Variants in RBFOX3 observed in about 807,000 individuals in gnomAD.
The protein encoded by RBFOX3 is RNA binding fox-1 homolog 3, also known as RNA binding protein fox-1 homolog 3.
RBFOX3 carries 17 observed loss-of-function variants against 48.7 expected under a neutral mutation model. The ratio of observed to expected loss-of-function variants is 0.35; its 90% CI spans 0.24 to 0.52. RBFOX3 has a LOEUF of 0.52. RBFOX3 is among the 20% of genes least tolerant of loss of function. The pLI, the probability that RBFOX3 is intolerant of heterozygous loss-of-function variation, is 0.94. For missense variants in RBFOX3, 382 were observed against 497.5 expected (o/e 0.77, Z 2.21); for synonymous variants, 212 against 209.5 (o/e 1.01, Z -0.10).
At chr17:79,478,083 C>T (rs1162814932) in intron 2 of RBFOX3, among the ~76,000 whole-genome samples, 1 of 152,220 alleles carries the variant, frequency 6.6e-6, no homozygotes, top group Non-Finnish European at 1.5e-5. Flanking sequence ...CGCTCATGTG[C>T]TCCAGGAAGC....
At chr17:79,450,985 G>C (rs927706137) in intron 2 of RBFOX3, among the ~76,000 whole-genome samples, 1 of 152,188 alleles carries the variant, frequency 6.6e-6, no homozygotes, top group South Asian at 2.1e-4. Context: ...CAATTAGAAG[G>C]GGGTGCAGCA....
At chr17:79,213,217 A>G (rs1361916888) in intron 4 of RBFOX3, among the ~76,000 whole-genome samples, 3 of 152,126 alleles carry the variant, frequency 2.0e-5, no homozygotes, top group Non-Finnish European at 4.4e-5. Flanking sequence ...TTCTCTTGTG[A>G]GCAGATGAGG....
At chr17:79,294,376 T>C (rs1006548913) in intron 3 of RBFOX3, among the ~76,000 whole-genome samples, 2 of 152,108 alleles carry the variant, frequency 1.3e-5, no homozygotes, top group Non-Finnish European at 2.9e-5. Flanking sequence ...AGTGGTGTGA[T>C]CTCTGCTCAC....
chr17:79,367,712 G>T (rs1356003523), intron 2 of RBFOX3, among the ~76,000 whole-genome samples: 1 of 152,152 alleles, frequency 6.6e-6, no homozygotes, highest in Non-Finnish European at 1.5e-5. Flanking sequence ...GACAGGCAAA[G>T]GGAGCCACGG....
chr17:79,611,130 T>TCTCTCTCTCTCTCTATCTCTCTC (rs1491548376), upstream of RBFOX3, among the ~76,000 whole-genome samples: 1 of 37,846 alleles, frequency 2.6e-5, no homozygotes, highest in Non-Finnish European at 4.3e-5. Context: ...TCCGCCCTCC[T>TCTCTCTCTCTCTCTATCTCTCTC]TCTCTCTCTC....
At chr17:79,209,182 G>A (rs2058009251) in intron 4 of RBFOX3, among the ~76,000 whole-genome samples, 1 of 152,226 alleles carries the variant, frequency 6.6e-6, no homozygotes, top group Non-Finnish European at 1.5e-5. Context: ...CATGTGAGTT[G>A]TGGTTGGTGA....
intron 2 of RBFOX3, among the ~76,000 whole-genome samples, chr17:79,432,259 G>A (rs2068597911): frequency 6.6e-6 from 1 of 152,244 alleles, no homozygotes; most frequent in Non-Finnish European, 1.5e-5. Flanking sequence ...TATGAACCGA[G>A]TGTGCACATG....
chr17:79,278,748 A>ATGC (rs1291520904), intron 3 of RBFOX3, among the ~76,000 whole-genome samples: 3 of 152,236 alleles, frequency 2.0e-5, no homozygotes, highest in Non-Finnish European at 2.9e-5. Context: ...ATGCATCCAC[A>ATGC]TGCATAGGGC....
chr17:79,174,259 A>G (rs58520028), intron 4 of RBFOX3, among the ~76,000 whole-genome samples: 22,879 of 152,006 alleles, frequency 0.15, 2,044 homozygotes, highest in African/African-American at 0.26. Flanking sequence ...AGGCACACAC[A>G]CAATGCACAC....
intron 2 of RBFOX3, among the ~76,000 whole-genome samples, chr17:79,440,446 G>T (rs1404869438): frequency 6.6e-6 from 1 of 152,130 alleles, no homozygotes; most frequent in Non-Finnish European, 1.5e-5. Flanking sequence ...GCCAGCTGGG[G>T]CTCCATTGGC....
At chr17:79,110,138 A>G (rs2030449506) in intron 5 of RBFOX3, among the ~76,000 whole-genome samples, 1 of 152,018 alleles carries the variant, frequency 6.6e-6, no homozygotes, top group African/African-American at 2.4e-5. Flanking sequence ...CTCAAAAAAA[A>G]AAAAAAAAGC....
At chr17:79,101,049 A>C (rs1272698478) in intron 9 of RBFOX3, among the ~76,000 whole-genome samples, 1 of 152,050 alleles carries the variant, frequency 6.6e-6, no homozygotes, top group Non-Finnish European at 1.5e-5. Flanking sequence ...ATGGTGCTTA[A>C]AGGTGTCATT....
chr17:79,150,684 C>A (rs1389202168), intron 4 of RBFOX3, among the ~76,000 whole-genome samples: 1 of 152,156 alleles, frequency 6.6e-6, no homozygotes, highest in African/African-American at 2.4e-5. Context: ...GATTCACCTC[C>A]CATCTCCTCC....
At chr17:79,168,993 A>G (rs1599775687) in intron 4 of RBFOX3, among the ~76,000 whole-genome samples, 1 of 152,114 alleles carries the variant, frequency 6.6e-6, no homozygotes, top group African/African-American at 2.4e-5. Context: ...CTTGGAAACA[A>G]CCAGCACCCC....
chr17:79,336,855 C>T (rs2081272330), intron 2 of RBFOX3, among the ~76,000 whole-genome samples: 1 of 152,232 alleles, frequency 6.6e-6, no homozygotes, highest in Non-Finnish European at 1.5e-5. Flanking sequence ...TGAGGTGGCT[C>T]ACGCCTGTAA....
chr17:79,586,758 G>A (rs1331497676), intron 1 of RBFOX3, among the ~76,000 whole-genome samples: 2 of 152,172 alleles, frequency 1.3e-5, no homozygotes, highest in African/African-American at 4.8e-5. Flanking sequence ...GGTTTCTCTG[G>A]AGAGCCCACC....
intron 4 of RBFOX3, among the ~76,000 whole-genome samples, chr17:79,186,513 A>G (rs944760864): frequency 7.9e-5 from 12 of 152,086 alleles, no homozygotes; most frequent in Non-Finnish European, 1.0e-4. Flanking sequence ...TCCAGGCCCC[A>G]TGCAGCCCTC....
the RBFOX3 span, among the ~76,000 whole-genome samples, chr17:79,648,394 G>A: frequency 6.6e-6 from 1 of 152,212 alleles, no homozygotes; most frequent in Non-Finnish European, 1.5e-5. Context: ...GGCCGCTGAG[G>A]TATGAAACAG....
intron 1 of RBFOX3, among the ~76,000 whole-genome samples, chr17:79,530,170 C>T (rs2087498637): frequency 6.6e-6 from 1 of 152,190 alleles, no homozygotes; most frequent in Admixed American, 6.5e-5. Flanking sequence ...GAGTTTTCTT[C>T]GTTCTCACCC....
Sources: allele counts gnomAD v4.1 joint callset (sites outside exome capture counted in the v4.1 genomes callset), GRCh38; gene constraint gnomAD v4.1.1; transcripts MANE v1.5; gene names NCBI Gene and HGNC (gene_info 2026-07-23, HGNC 2026-07-21).